Variants in LRP2 observed in about 807,000 individuals in gnomAD.
LRP2 encodes low-density lipoprotein receptor-related protein 2.
LRP2 carries 172 observed loss-of-function variants against 531.0 expected under a neutral mutation model. The observed-to-expected ratio is 0.32, with a 90% CI of 0.29 to 0.37. The LOEUF is 0.37. Ranked by LOEUF, LRP2 falls within the 10% of genes least tolerant of loss-of-function variation. The pLI, the probability that LRP2 is intolerant of heterozygous loss-of-function variation, is 1.00. For missense variants in LRP2, 5,167 were observed against 5,868.3 expected, an observed-to-expected ratio of 0.88 and a Z score of 3.90; for synonymous variants, 1,992 against 2,027.6, an observed-to-expected ratio of 0.98 and a Z score of 0.47.
At chr2:169,245,100 A>G (rs900847314) in intron 21 of LRP2, among the ~76,000 whole-genome samples, 168 bp from the exon 22 acceptor site, 40 of 152,320 alleles carry the variant, frequency 2.6e-4, no homozygotes, top group Middle Eastern at 6.8e-3. Context: ...ATTGGCTGGC[A>G]TTTATTTGGT....
At chr2:169,328,119 T>C (rs1350539441) in intron 1 of LRP2, among the ~76,000 whole-genome samples, 1 of 131,092 alleles carries the variant, frequency 7.6e-6, no homozygotes, top group Admixed American at 7.5e-5. Context: ...GGGGCGCCTC[T>C]GCCCAGCCGC....
At chr2:169,334,670 C>A (rs1444809683) in intron 1 of LRP2, among the ~76,000 whole-genome samples, 2 of 152,198 alleles carry the variant, frequency 1.3e-5, no homozygotes, top group Admixed American at 6.5e-5. Flanking sequence ...ACTCTAAGTT[C>A]CATGAGGGCA....
chr2:169,292,499 C>A, intron 6 of LRP2, 130 bp from the exon 7 acceptor site: 2 of 685,378 alleles, frequency 2.9e-6, no homozygotes, highest in African/African-American at 1.8e-5. Flanking sequence ...CCTTAGACAT[C>A]TTGACAAAAA....
intron 1 of LRP2, among the ~76,000 whole-genome samples, chr2:169,352,400 A>T (rs1198150715): frequency 6.6e-6 from 1 of 152,176 alleles, no homozygotes; most frequent in African/African-American, 2.4e-5. Context: ...AGCTTGTAAC[A>T]TTCCCATCCA....
chr2:169,162,744 C>G (rs1686636496), intron 62 of LRP2, 144 bp from the exon 63 acceptor site: 5 of 847,910 alleles, frequency 5.9e-6, no homozygotes, highest in African/African-American at 1.7e-5. Flanking sequence ...GGGTTAGGAC[C>G]ATGTGACCAG....
At chr2:169,262,475 T>A (rs1475944245) in intron 16 of LRP2, among the ~76,000 whole-genome samples, 102 of 138,860 alleles carry the variant, frequency 7.3e-4, no homozygotes, top group African/African-American at 2.5e-3. Flanking sequence ...AGCCAAATCA[T>A]GAGTGAACTC....
Position 169,318,219 on chromosome 2 carries a change from G to C in LRP2, c.310+543C>G, listed in dbSNP as rs144727704. Among the ~76,000 whole-genome samples the C allele has an allele frequency of 5.2e-3, 788 of 152,008 alleles. 6 individuals carry two copies. Among genetic ancestry groups the C allele is most frequent in the African/African-American group, 0.018 (754 of 41,468 alleles). ...GAACCAAACCCCCTCAATGTCCAGG[G>C]ATGCCGCAGTTGCCAAGATCCGCTT... On this transcript the variant is annotated intron_variant, in intron 3 of 78. Transcript: ENST00000649046.
At chr2:169,176,289 T>A in intron 54 of LRP2, 122 bp downstream of exon 54, 1 of 1,067,266 alleles carries the variant, frequency 9.4e-7, no homozygotes, top group Non-Finnish European at 1.4e-6. Flanking sequence ...GTGTTCCACA[T>A]GAACCAAGTT....
chr2:169,314,970 C>G (rs1436481340), intron 3 of LRP2, among the ~76,000 whole-genome samples: 1 of 152,060 alleles, frequency 6.6e-6, no homozygotes, highest in Non-Finnish European at 1.5e-5. Flanking sequence ...TGAAAAGAAC[C>G]TGGGTCAGGT....
intron 52 of LRP2, among the ~76,000 whole-genome samples, chr2:169,179,311 T>A (rs1687338849): frequency 6.6e-6 from 1 of 152,110 alleles, no homozygotes; most frequent in Admixed American, 6.5e-5. Context: ...CTAGCCACCA[T>A]CTGTTTTTCT....
chr2:169,329,804 A>T (rs1347632672), intron 1 of LRP2, among the ~76,000 whole-genome samples: 1 of 152,166 alleles, frequency 6.6e-6, no homozygotes, highest in Admixed American at 6.5e-5. Flanking sequence ...GCAAACTACG[A>T]ACAGGTTCCA....
At chr2:169,222,781 G>A (rs571073574) in intron 33 of LRP2, among the ~76,000 whole-genome samples, 1 of 152,214 alleles carries the variant, frequency 6.6e-6, no homozygotes, top group South Asian at 2.1e-4. Flanking sequence ...TTATTGTGCT[G>A]TACTCACATA....
intron 77 of LRP2, among the ~76,000 whole-genome samples, chr2:169,129,819 C>T (rs1245384674): frequency 1.3e-5 from 2 of 152,196 alleles, no homozygotes; most frequent in Non-Finnish European, 2.9e-5. Flanking sequence ...TGGTGCGTGG[C>T]CCACGCTTTA....
rs1409858401 is a variant in LRP2, at chr2:169,289,242, G to A, written c.923-97C>T. 7.5e-6 allele frequency: 11 copies of A among 1,467,476 alleles called. No homozygotes were observed. The African/African-American group carries it at 1.4e-4, about 19-fold the overall frequency. The allele number at this position is 1,467,476 out of a possible 1,614,324, so 90.9% of individuals were successfully genotyped here. ...TTTTCCATGAGTAGCAGCTCAGTAA[G>A]CATGAAGTAGATGTACAGAAAAATC... On this transcript the variant is annotated intron_variant, in intron 8 of 78. Coordinates refer to ENST00000649046, the MANE Select transcript of LRP2 (RefSeq NM_004525.3).
At chr2:169,349,677 G>A in intron 1 of LRP2, among the ~76,000 whole-genome samples, 1 of 152,268 alleles carries the variant, frequency 6.6e-6, no homozygotes. Flanking sequence ...TGTCCTTCCA[G>A]GACAGGCCAC....
Position 169,277,863 on chromosome 2 carries a change from C to T in LRP2, c.1654G>A (p.Val552Met), listed in dbSNP as rs1683596529. 6.2e-6 allele frequency: 10 copies of T among 1,614,138 alleles called. No homozygotes were observed. Among genetic ancestry groups the T allele is most frequent in the Non-Finnish European group, 7.6e-6 (9 of 1,180,004 alleles). The change falls in exon 13 of 79, where the codon GTG becomes ATG. Residue 552 changes from valine (V) to methionine (M), a missense_variant. By Grantham distance (21) the Val-to-Met change is conservative. Around this residue, in one of 6 missense-constraint regions of LRP2, gnomAD observed 2,811 missense variants for 3,058.0 expected, o/e 0.92. Coordinates refer to ENST00000649046, the MANE Select transcript of LRP2 (RefSeq NM_004525.3). ...FMDGSNRKDLVKTKLGWPAGV... is the reference protein window; with the variant it reads ...FMDGSNRKDLMKTKLGWPAGV... ...GCAGGCCATCCCAGCTTTGTTTTCA[C>T]CAAGTCTTTACGGTTGCTGCCATCC...
At chr2:169,318,977 C>T (rs1684841007) in intron 2 of LRP2, 93 bp from the exon 3 acceptor site, 1 of 1,500,686 alleles carries the variant, frequency 6.7e-7, no homozygotes, top group Admixed American at 1.8e-5. Flanking sequence ...ATCATGTAAA[C>T]TCCTGCTCAA....
intron 32 of LRP2, 59 bp from the exon 33 acceptor site, chr2:169,225,512 C>A: frequency 1.3e-6 from 2 of 1,595,106 alleles, no homozygotes; most frequent in Non-Finnish European, 1.7e-6. Flanking sequence ...TACAAAAGAA[C>A]CCTTTCTTCA....
At chr2:169,297,972 A>AACAC (rs10548576) in intron 4 of LRP2, among the ~76,000 whole-genome samples, 3,320 of 150,040 alleles carry the variant, frequency 0.022, 126 homozygotes, top group African/African-American at 0.076. Flanking sequence ...AAGATTGGGA[A>AACAC]ACACACACAC....
Sources: gnomAD v4.1 joint callset for allele counts (sites outside exome capture counted in the v4.1 genomes callset) on GRCh38, gnomAD v4.1.1 for gene constraint, gnomAD v4.1.1 regional missense constraint, MANE v1.5 for transcripts, NCBI Gene and HGNC (gene_info 2026-07-23, HGNC 2026-07-21) for gene names.